The following SENP7 variants were observed in gnomAD, a reference collection of about 807,000 sequenced individuals.
The protein encoded by SENP7 is SUMO specific peptidase 7.
SENP7 carries 64 observed loss-of-function variants against 141.2 expected under a neutral mutation model. The observed-to-expected ratio is 0.45, with a 90% CI of 0.37 to 0.56. The LOEUF (loss-of-function observed/expected upper bound fraction) is 0.56. Ranked by LOEUF, SENP7 falls within the 20% of genes least tolerant of loss-of-function variation. The probability of loss-of-function intolerance (pLI) is 0.00; values close to 1 mark genes in which losing one functional copy is unlikely to be tolerated. For missense variants in SENP7, 1,025 were observed against 1,212.2 expected (o/e 0.85, Z 2.29); for synonymous variants, 382 against 426.4 (o/e 0.90, Z 1.28).
intron 18 of SENP7, 59 bp from the exon 19 acceptor site, chr3:101,332,168 T>C: frequency 6.7e-7 from 1 of 1,494,548 alleles, no homozygotes. Context: ...ATATAATATA[T>C]TCTAGAGATA....
At chr3:101,345,996 A>G (rs1276927802) in intron 13 of SENP7, among the ~76,000 whole-genome samples, 2 of 152,160 alleles carry the variant, frequency 1.3e-5, no homozygotes, top group African/African-American at 4.8e-5. Context: ...ACAGAGTGGG[A>G]AAAAAATGTT....
At chr3:101,424,029 A>G (rs142755997) in intron 4 of SENP7, among the ~76,000 whole-genome samples, 9 of 152,230 alleles carry the variant, frequency 5.9e-5, no homozygotes, top group Non-Finnish European at 1.0e-4. Context: ...ACTTGCTCCC[A>G]TAAGAGACTT....
At chr3:101,487,436 T>G (rs1365264005) in intron 3 of SENP7, among the ~76,000 whole-genome samples, 2 of 152,212 alleles carry the variant, frequency 1.3e-5, no homozygotes, top group African/African-American at 4.8e-5. Context: ...TGTTTTGTTT[T>G]TTTGCTGTGC....
chr3:101,344,013 C>T, intron 13 of SENP7, 59 bp from the exon 14 acceptor site: 3 of 1,106,520 alleles, frequency 2.7e-6, no homozygotes, highest in East Asian at 2.7e-5. Context: ...GATTATAATA[C>T]AAGTAATTTA....
intron 13 of SENP7, among the ~76,000 whole-genome samples, chr3:101,345,505 A>G (rs1264531351): frequency 6.6e-6 from 1 of 152,104 alleles, no homozygotes; most frequent in Non-Finnish European, 1.5e-5. Flanking sequence ...CAGCTGTTGT[A>G]AAAGGGGTTG....
At chr3:101,505,759 G>A (rs1488447876) in intron 1 of SENP7, among the ~76,000 whole-genome samples, 1 of 152,138 alleles carries the variant, frequency 6.6e-6, no homozygotes, top group Non-Finnish European at 1.5e-5. Flanking sequence ...TCTGTAAAAT[G>A]GCGGAGAATA....
chr3:101,500,142 C>T (rs762258959), intron 2 of SENP7, among the ~76,000 whole-genome samples: 10 of 152,032 alleles, frequency 6.6e-5, no homozygotes, highest in South Asian at 2.1e-4. Context: ...AACATGAAGA[C>T]GTATCATATT....
intron 12 of SENP7, among the ~76,000 whole-genome samples, chr3:101,348,964 C>T (rs2059543419): frequency 6.6e-6 from 1 of 152,122 alleles, no homozygotes. Flanking sequence ...TTTCCTAGAA[C>T]TTTGTTACTC....
At chr3:101,497,592 C>A (rs1298493090) in intron 2 of SENP7, among the ~76,000 whole-genome samples, 1 of 151,362 alleles carries the variant, frequency 6.6e-6, no homozygotes, top group Non-Finnish European at 1.5e-5. Context: ...ATACTTTGAC[C>A]AACAAATCTG....
At chr3:101,428,044 G>T (rs1343327140) in intron 4 of SENP7, among the ~76,000 whole-genome samples, 1 of 152,158 alleles carries the variant, frequency 6.6e-6, no homozygotes, top group Non-Finnish European at 1.5e-5. Flanking sequence ...TTTTATGGCT[G>T]CATAGTATTC....
intron 6 of SENP7, among the ~76,000 whole-genome samples, chr3:101,397,778 A>T (rs2061012176): frequency 6.6e-6 from 1 of 152,216 alleles, no homozygotes; most frequent in South Asian, 2.1e-4. Flanking sequence ...GGGGGAAAAA[A>T]ATTAGGATAA....
intron 3 of SENP7, among the ~76,000 whole-genome samples, chr3:101,479,637 A>G (rs1391400368): frequency 6.6e-6 from 1 of 151,334 alleles, no homozygotes; most frequent in Non-Finnish European, 1.5e-5. Flanking sequence ...CAGATCTCAT[A>G]TGCAGATATG....
At chr3:101,463,617 A>G (rs1312453602) in intron 3 of SENP7, among the ~76,000 whole-genome samples, 4 of 151,446 alleles carry the variant, frequency 2.6e-5, no homozygotes, top group Non-Finnish European at 4.4e-5. Flanking sequence ...GTAATACCAA[A>G]CCTGCAATCT....
intron 6 of SENP7, among the ~76,000 whole-genome samples, chr3:101,376,174 T>C (rs995258331): frequency 6.6e-6 from 1 of 152,064 alleles, no homozygotes; most frequent in African/African-American, 2.4e-5. Context: ...GAAAGTAGAA[T>C]GGTGATTGCC....
chr3:101,378,194 C>T (rs888896415), intron 6 of SENP7, among the ~76,000 whole-genome samples: 14 of 151,494 alleles, frequency 9.2e-5, no homozygotes, highest in African/African-American at 3.4e-4. Context: ...TTAAAAGCCA[C>T]TCTAAAAGAA....
At chr3:101,440,814 T>C (rs1026300562) in intron 4 of SENP7, among the ~76,000 whole-genome samples, 7 of 152,026 alleles carry the variant, frequency 4.6e-5, no homozygotes, top group African/African-American at 1.7e-4. Context: ...ATAAATCAGA[T>C]CAAGGAGATT....
intron 3 of SENP7, among the ~76,000 whole-genome samples, chr3:101,468,355 G>A (rs1226795232): frequency 2.0e-5 from 3 of 152,134 alleles, no homozygotes; most frequent in African/African-American, 7.2e-5. Flanking sequence ...GAAATACAGA[G>A]AACACCACAA....
At chr3:101,377,907 C>T (rs1478843448) in intron 6 of SENP7, among the ~76,000 whole-genome samples, 2 of 152,148 alleles carry the variant, frequency 1.3e-5, no homozygotes, top group African/African-American at 2.4e-5. Context: ...GACAAAGGCT[C>T]ATTAACGCCT....
intron 1 of SENP7, among the ~76,000 whole-genome samples, chr3:101,511,819 T>TTTG (rs936302621): frequency 5.9e-5 from 9 of 151,432 alleles, no homozygotes; most frequent in East Asian, 5.8e-4. Flanking sequence ...TTGTTTTTTT[T>TTTG]TTGTTGTTGT....
Sources: gnomAD v4.1 joint callset for allele counts (sites outside exome capture counted in the v4.1 genomes callset) on GRCh38, gnomAD v4.1.1 for gene constraint, MANE v1.5 for transcripts, NCBI Gene and HGNC (gene_info 2026-07-23, HGNC 2026-07-21) for gene names.